Variants in TCF4 observed in about 807,000 individuals in gnomAD.
The protein encoded by TCF4 is SL3-3 enhancer factor 2.
In TCF4, 3 loss-of-function variants were observed where a neutral mutation model predicts 82.1. That is an observed-to-expected ratio of 0.04 (90% CI 0.02 to 0.09). The LOEUF is 0.09. Among genes scored for constraint, TCF4 ranks in the 10% least tolerant of loss-of-function variants. TCF4 has a pLI of 1.00. For synonymous variants in TCF4, 276 were observed against 309.6 expected, an observed-to-expected ratio of 0.89 and a Z score of 1.14; for missense variants, 518 against 852.7, an observed-to-expected ratio of 0.61 and a Z score of 4.89.
At chr18:55,442,041 C>T (rs961110462) in intron 5 of TCF4, among the ~76,000 whole-genome samples, 3 of 152,118 alleles carry the variant, frequency 2.0e-5, no homozygotes, top group African/African-American at 4.8e-5. Flanking sequence ...TCCACTGACA[C>T]AACTTAGCAG....
intron 3 of TCF4, among the ~76,000 whole-genome samples, chr18:55,538,520 A>T (rs1297910158): frequency 6.6e-6 from 1 of 152,252 alleles, no homozygotes; most frequent in Non-Finnish European, 1.5e-5. Context: ...CCACAGCAGG[A>T]AAGTTTTTAA....
chr18:55,626,673 G>C (rs1387805052), intron 2 of TCF4, among the ~76,000 whole-genome samples: 1 of 152,112 alleles, frequency 6.6e-6, no homozygotes, highest in East Asian at 1.9e-4. Flanking sequence ...GAGTGTAAAA[G>C]GTACGATAAC....
chr18:55,274,740 G>C (rs1370183877), intron 10 of TCF4, among the ~76,000 whole-genome samples: 3 of 152,158 alleles, frequency 2.0e-5, no homozygotes, highest in African/African-American at 7.2e-5. Context: ...TTTAAGCTAT[G>C]TTCTTGCACA....
At chr18:55,300,508 G>A in intron 8 of TCF4, among the ~76,000 whole-genome samples, 1 of 152,200 alleles carries the variant, frequency 6.6e-6, no homozygotes, top group Non-Finnish European at 1.5e-5. Flanking sequence ...AACCCAGAGT[G>A]GAAAGGGCCG....
chr18:55,241,682 C>G (rs2051280060), intron 15 of TCF4, among the ~76,000 whole-genome samples: 1 of 152,198 alleles, frequency 6.6e-6, no homozygotes, highest in South Asian at 2.1e-4. Context: ...GCCTTTATTT[C>G]TTAAATGCTT....
chr18:55,574,368 A>G (rs186525518), intron 3 of TCF4, among the ~76,000 whole-genome samples: 390 of 152,276 alleles, frequency 2.6e-3, no homozygotes, highest in African/African-American at 9.1e-3. Flanking sequence ...TCTGTCGCCA[A>G]TACTGGAGGG....
chr18:55,299,001 A>C (rs1250418268), intron 8 of TCF4, among the ~76,000 whole-genome samples: 1 of 152,212 alleles, frequency 6.6e-6, no homozygotes, highest in Non-Finnish European at 1.5e-5. Flanking sequence ...TTTAGTTTCT[A>C]CTACCTTTTG....
intron 3 of TCF4, among the ~76,000 whole-genome samples, chr18:55,486,381 C>T (rs2096514959): frequency 6.6e-6 from 1 of 152,074 alleles, no homozygotes; most frequent in Non-Finnish European, 1.5e-5. Flanking sequence ...GGCTTGGGGC[C>T]AGAAGTTGGA....
At chr18:55,312,216 A>G (rs1425696321) in intron 8 of TCF4, among the ~76,000 whole-genome samples, 2 of 152,232 alleles carry the variant, frequency 1.3e-5, no homozygotes, top group Non-Finnish European at 2.9e-5. Flanking sequence ...TAGGTAATCT[A>G]TTGAGAGATG....
chr18:55,480,703 TGTCAACCC>T (rs2096408110), intron 3 of TCF4, among the ~76,000 whole-genome samples: 1 of 152,212 alleles, frequency 6.6e-6, no homozygotes, highest in South Asian at 2.1e-4. Context: ...ATTAATTCTG[TGTCAACCC>T]TAATACAGAT....
chr18:55,374,042 C>T (rs2090073255), intron 6 of TCF4, among the ~76,000 whole-genome samples: 1 of 151,944 alleles, frequency 6.6e-6, no homozygotes, highest in Admixed American at 6.6e-5. Context: ...ACTGTGAAAA[C>T]AGTGTTTTAA....
intron 6 of TCF4, among the ~76,000 whole-genome samples, chr18:55,390,286 T>TAAAA (rs56965997): frequency 8.7e-4 from 71 of 82,006 alleles, no homozygotes; most frequent in Non-Finnish European, 9.5e-4. Context: ...CCCTGACTCT[T>TAAAA]AAAAAAAAAA....
intron 2 of TCF4, among the ~76,000 whole-genome samples, chr18:55,604,349 G>A (rs545728867): frequency 6.6e-6 from 1 of 152,184 alleles, no homozygotes; most frequent in East Asian, 1.9e-4. Context: ...TTTGGTTTGG[G>A]TTGGGGCAAG....
chr18:55,254,877 G>A (rs985080258), intron 14 of TCF4, among the ~76,000 whole-genome samples, 177 bp from the exon 15 acceptor site: 1 of 152,162 alleles, frequency 6.6e-6, no homozygotes, highest in African/African-American at 2.4e-5. Flanking sequence ...CTGGTAGAAC[G>A]TGTTAATGTT....
intron 2 of TCF4, chr18:55,585,985 A>G (rs773413338): frequency 8.3e-6 from 11 of 1,331,438 alleles, no homozygotes; most frequent in Non-Finnish European, 1.1e-5. Context: ...TCCCTGAGTC[A>G]GAGCCTGCAA....
At chr18:55,312,802 A>T (rs559779622) in intron 8 of TCF4, among the ~76,000 whole-genome samples, 1 of 152,292 alleles carries the variant, frequency 6.6e-6, no homozygotes, top group Non-Finnish European at 1.5e-5. Context: ...AAGTAGGATT[A>T]CCAGATTCAC....
chr18:55,585,152 T>C, intron 3 of TCF4, 128 bp downstream of exon 3: 1 of 835,522 alleles, frequency 1.2e-6, no homozygotes, highest in Non-Finnish European at 2.1e-6. Context: ...GGTAATGCAA[T>C]AACCGTATGA....
At chr18:55,403,564 A>C in intron 5 of TCF4, 46 bp from the exon 6 acceptor site, 1 of 1,613,496 alleles carries the variant, frequency 6.2e-7, no homozygotes. Flanking sequence ...TTTTTCCTTA[A>C]AAAAAAATCT....
At chr18:55,288,789 T>C (rs2064317912) in intron 8 of TCF4, among the ~76,000 whole-genome samples, 1 of 152,200 alleles carries the variant, frequency 6.6e-6, no homozygotes. Context: ...TGTTTAATAT[T>C]ACTAGAGACA....
Sources: gnomAD v4.1 joint callset for allele counts (sites outside exome capture counted in the v4.1 genomes callset) on GRCh38, gnomAD v4.1.1 for gene constraint, MANE v1.5 for transcripts, NCBI Gene and HGNC (gene_info 2026-07-23, HGNC 2026-07-21) for gene names.